Variants in TESK1 observed in about 807,000 individuals in gnomAD.
TESK1 encodes dual specificity testis-specific protein kinase 1.
TESK1 carries 18 observed loss-of-function variants against 59.9 expected under a neutral mutation model. The observed-to-expected ratio is 0.30, with a 90% CI of 0.21 to 0.45. The LOEUF is 0.45. Among genes scored for constraint, TESK1 ranks in the 20% least tolerant of loss-of-function variants. The pLI is 1.00. For missense variants in TESK1, 748 were observed against 840.9 expected, an observed-to-expected ratio of 0.89 and a Z score of 1.37; for synonymous variants, 341 against 357.4, an observed-to-expected ratio of 0.95 and a Z score of 0.52.
Position 35,606,980 on chromosome 9 carries a change from C to G in TESK1, c.534C>G (p.Ser178=). The G allele has an allele frequency of 6.3e-7, 1 of 1,592,242 alleles. No homozygotes were observed. Among genetic ancestry groups the G allele is most frequent in the East Asian group, 2.2e-5 (1 of 44,558 alleles). The part of the protein sequence containing the change: ...SKGVFHRDLT[S]KNCLVRREDR... ...GTGTATTTCACCGCGACCTCACATC[C>G]AAGGTAGGCTAGCAGGGTGGGTGGA... The change falls in exon 4 of 10, where the codon TCC becomes TCG. Residue 178 remains serine (S), a synonymous_variant. Coordinates refer to ENST00000336395, the MANE Select transcript of TESK1 (RefSeq NM_006285.3).
chr9:35,609,629 G>T lies in TESK1; in HGVS notation c.1768G>T (p.Ala590Ser). ...GTCCATGTGCCCCCGCCCCACACCAGCTGTTGCCCGCTACCGCAACCTGAA... is the reference window on the plus strand; with the variant it reads ...GTCCATGTGCCCCCGCCCCACACCATCTGTTGCCCGCTACCGCAACCTGAA... ...FLSMCPRPTP[A>S]VARYRNLNCE... The change falls in exon 10 of 10, where the codon GCT becomes TCT. Residue 590 changes from alanine (A) to serine (S), a missense_variant. This residue lies in a region of TESK1 where 447 missense variants were observed against 466.1 expected (regional missense o/e 0.96). Transcript: ENST00000336395. The surrounding 1 kb of genome is among the most constrained non-coding windows in gnomAD (Gnocchi z 6.7). 2 of 1,609,844 alleles carry T rather than the reference G, an allele frequency of 1.2e-6. No individual in the cohort carries two copies. Among genetic ancestry groups the T allele is most frequent in the Non-Finnish European group, 1.7e-6 (2 of 1,179,948 alleles).
chr9:35,605,675 C>A lies in TESK1; in HGVS notation c.56C>A (p.Pro19Gln). The change falls in exon 1 of 10, where the codon CCG becomes CAG. Residue 19 changes from proline (P) to glutamine (Q), a missense_variant. Physicochemically the swap from Pro to Gln is moderately conservative, Grantham distance 76. Around this residue, in one of 3 missense-constraint regions of TESK1, gnomAD observed 133 missense variants for 117.4 expected, o/e 1.13. Coordinates refer to ENST00000336395, the MANE Select transcript of TESK1 (RefSeq NM_006285.3). The part of the protein sequence containing the change: ...RGPGPGPGEV[P>Q]GEGPPGPGGT... ...CCTGGGCCCGGGCCTGGAGAGGTGC[C>A]GGGGGAGGGGCCCCCGGGGCCGGGG... 7.0e-7 allele frequency: 1 copy of A among 1,432,862 alleles called. No individual in the cohort carries two copies. The highest frequency in any genetic ancestry group is 2.7e-5 in the East Asian group (1 of 37,140). 88.8% of individuals were successfully genotyped at this position (1,432,862 alleles called of 1,614,324 possible). A position where few individuals can be genotyped will look rare whatever the true frequency, so the allele number is the denominator to read the frequency against.
Position 35,607,862 on chromosome 9 carries a change from A to G in TESK1, c.712-66A>G. ...CCCACCCTCAACCAAATTCTGCTAT[A>G]TTCTGTCAAAATTCTGAAATGAAAA... On this transcript the variant is annotated intron_variant, in intron 6 of 9. Transcript: ENST00000336395. This position sits in a 1 kb window ranked among gnomAD's most constrained non-coding sequence, Gnocchi z 4.5. 2 of 1,577,942 alleles carry G rather than the reference A, an allele frequency of 1.3e-6. No homozygotes were observed. The highest frequency in any genetic ancestry group is 1.7e-6 in the Non-Finnish European group (2 of 1,151,724).
In TESK1 at chr9:35,607,980, C is replaced by T. The variant is rs1202375086; in HGVS notation, c.764C>T (p.Pro255Leu). The change falls in exon 7 of 10, where the codon CCT becomes CTT. Residue 255 changes from proline to leucine, a missense_variant. By Grantham distance (98) the Pro-to-Leu change is moderately conservative (BLOSUM62 -3). Coordinates refer to ENST00000336395, the MANE Select transcript of TESK1 (RefSeq NM_006285.3). The surrounding 1 kb of genome is among the most constrained non-coding windows in gnomAD (Gnocchi z 4.5). ...IVLCELIARVPADPDYLPRTE... is the reference protein window; with the variant it reads ...IVLCELIARVLADPDYLPRTE... ...CTCTGTGAGCTCATCGCCCGAGTAC[C>T]TGCAGACCCTGACTACCTACCACGC... The T allele has an allele frequency of 1.2e-6, 2 of 1,614,212 alleles. No homozygotes were observed. The highest frequency in any genetic ancestry group is 1.7e-6 in the Non-Finnish European group (2 of 1,180,036).
At position 35,609,168 on chromosome 9, in the gene TESK1, G is replaced by A. The variant is rs372311148; in HGVS notation, c.1307G>A (p.Arg436His). ...CCTGGGACACCTGCCCGCCGCTGCC[G>A]CTCACTACCCTCATCCCCCGAGCTC... ...VQPGTPARRC[R>H]SLPSSPELPR... Residue 436 changes from arginine (R) to histidine (H), a missense_variant, in exon 10 of 10, where the codon CGC (arginine) becomes CAC (histidine). By Grantham distance (29) the Arg-to-His change is conservative. Transcript: ENST00000336395. This position sits in a 1 kb window ranked among gnomAD's most constrained non-coding sequence, Gnocchi z 6.7. 2.6e-5 allele frequency: 42 copies of A among 1,613,424 alleles called. No homozygotes were observed. In the East Asian group the frequency reaches 4.9e-4, roughly 19 times the overall value.
intron 9 of TESK1, 115 bp from the exon 10 acceptor site, chr9:35,608,747 G>C: frequency 7.0e-6 from 9 of 1,282,792 alleles, no homozygotes; most frequent in Non-Finnish European, 8.6e-6. Context: ...CAAAGCACCA[G>C]GTGGGACTCC....
In TESK1 at chr9:35,609,789, C is replaced by T. The variant is rs1822942596; in HGVS notation, c.*47C>T. On this transcript the variant is annotated 3_prime_UTR_variant, in exon 10 of 10. Coordinates refer to ENST00000336395, the MANE Select transcript of TESK1 (RefSeq NM_006285.3). This position sits in a 1 kb window ranked among gnomAD's most constrained non-coding sequence, Gnocchi z 6.7. ...GCCTCCAACTTTGGCCTTCAGGACA[C>T]CCTGTAAGAACAGAGCACACTTGCT... is the stretch of plus-strand genomic sequence containing the variant. 6.7e-7 allele frequency: 1 copy of T among 1,496,062 alleles called. No individual in the cohort carries two copies. The highest frequency in any genetic ancestry group is 1.3e-5 in the South Asian group (1 of 76,630). The allele number at this position is 1,496,062 out of a possible 1,614,324, so 92.7% of individuals were successfully genotyped here. A position where few individuals can be genotyped will look rare whatever the true frequency, so the allele number is the denominator to read the frequency against.
Position 35,608,451 on chromosome 9 carries a change from C to G in TESK1, c.942C>G (p.Ile314Met), listed in dbSNP as rs922375373. The G allele has an allele frequency of 1.2e-6, 2 of 1,614,040 alleles. No individual in the cohort carries two copies. Among genetic ancestry groups the G allele is most frequent in the African/African-American group, 2.7e-5 (2 of 74,904 alleles). ...FTEITQHLEW[I>M]LEQLPEPAPL... is the part of the protein sequence containing the mutation. ...AAATTACCCAGCACCTGGAATGGATCCTGGAGCAGCTGCCTGAGCCAGCCC... is the reference window on the plus strand; with the variant it reads ...AAATTACCCAGCACCTGGAATGGATGCTGGAGCAGCTGCCTGAGCCAGCCC... The change falls in exon 9 of 10, where the codon ATC (isoleucine) becomes ATG (methionine). Residue 314 changes from isoleucine (I) to methionine (M), a missense_variant. Coordinates refer to ENST00000336395, the MANE Select transcript of TESK1 (RefSeq NM_006285.3).
intron 3 of TESK1, 151 bp downstream of exon 3, chr9:35,606,436 C>T (rs907322829): frequency 2.2e-6 from 2 of 890,972 alleles, no homozygotes; most frequent in Non-Finnish European, 3.5e-6. Context: ...TTTAGGCAAA[C>T]CACATATAAA....
In TESK1 at chr9:35,609,363, C is replaced by T. The variant is rs147635732; in HGVS notation, c.1502C>T (p.Ser501Leu). ...ATDNFISTCS[S>L]ASQPWSPRSG... ...GACAACTTCATCAGCACCTGTTCCT[C>T]GGCCTCCCAACCCTGGTCCCCTAGA... The change falls in exon 10 of 10, where the codon TCG becomes TTG. Residue 501 changes from serine (S) to leucine (L), a missense_variant. By Grantham distance (145) the Ser-to-Leu change is moderately radical. Around this residue, in one of 3 missense-constraint regions of TESK1, gnomAD observed 447 missense variants for 466.1 expected, o/e 0.96. Coordinates refer to ENST00000336395, the MANE Select transcript of TESK1 (RefSeq NM_006285.3). The surrounding 1 kb of genome is among the most constrained non-coding windows in gnomAD (Gnocchi z 6.7). The T allele has an allele frequency of 9.8e-5, 158 of 1,612,668 alleles. 1 individual carries two copies. The highest frequency in any genetic ancestry group is 2.2e-4 in the South Asian group (20 of 90,936).
At position 35,607,009 on chromosome 9, in the gene TESK1, A is replaced by G. The variant is rs1452294461; in HGVS notation, c.537+26A>G. 1.3e-6 allele frequency: 2 copies of G among 1,556,730 alleles called. No individual in the cohort carries two copies. Among genetic ancestry groups the G allele is most frequent in the South Asian group, 1.2e-5 (1 of 84,110 alleles). ...GTAGGCTAGCAGGGTGGGTGGAGAC[A>G]TGAAAGAGGGTTTGAGGCTATTAGG... On this transcript the variant is annotated intron_variant, in intron 4 of 9. Transcript: ENST00000336395. This position sits in a 1 kb window ranked among gnomAD's most constrained non-coding sequence, Gnocchi z 4.5.
chr9:35,607,785 T>TA lies in TESK1; in HGVS notation c.711+113_711+114insA. ...ACCAGATCTTCAGGAGTCCCCAAGA[T>TA]CCCTTTGCCCCTCACAGGCACCCTT... On this transcript the variant is annotated intron_variant, in intron 6 of 9. Transcript: ENST00000336395. The surrounding 1 kb of genome is among the most constrained non-coding windows in gnomAD (Gnocchi z 4.5). 1.6e-6 allele frequency: 2 copies of TA among 1,273,220 alleles called. No homozygotes were observed. Among genetic ancestry groups the TA allele is most frequent in the Non-Finnish European group, 2.2e-6 (2 of 899,632 alleles). 78.9% of individuals were successfully genotyped at this position (1,273,220 alleles called of 1,614,324 possible).
chr9:35,607,846 A>C lies in TESK1; in HGVS notation c.712-82A>C. 1 of 1,520,922 alleles carries C rather than the reference A, an allele frequency of 6.6e-7. No individual in the cohort carries two copies. Among genetic ancestry groups the C allele is most frequent in the Non-Finnish European group, 9.0e-7 (1 of 1,106,046 alleles). 94.2% of individuals were successfully genotyped at this position (1,520,922 alleles called of 1,614,324 possible). A position where few individuals can be genotyped will look rare whatever the true frequency, so the allele number is the denominator to read the frequency against. Reference sequence around the variant, plus strand: ...AAAACTGTCAAGATCCCCCACCCTCAACCAAATTCTGCTATATTCTGTCAA... The same window carrying C: ...AAAACTGTCAAGATCCCCCACCCTCCACCAAATTCTGCTATATTCTGTCAA... On this transcript the variant is annotated intron_variant, in intron 6 of 9. Transcript: ENST00000336395. The surrounding 1 kb of genome is among the most constrained non-coding windows in gnomAD (Gnocchi z 4.5).
At position 35,608,845 on chromosome 9, in the gene TESK1, G is replaced by C. The variant is rs759639774; in HGVS notation, c.1001-17G>C. The C allele has an allele frequency of 6.4e-7, 1 of 1,556,470 alleles. No homozygotes were observed. The highest frequency in any genetic ancestry group is 8.7e-7 in the Non-Finnish European group (1 of 1,151,402). ...TCAAATGCTGAGGACAGTGATTCCA[G>C]ACTTCTCTATCTACAGGCTCTGTTG... is the stretch of plus-strand genomic sequence containing the variant. On this transcript the variant is annotated splice_polypyrimidine_tract_variant and intron_variant, in intron 9 of 9. Coordinates refer to ENST00000336395, the MANE Select transcript of TESK1 (RefSeq NM_006285.3).
rs1459762118 is a variant in TESK1, at chr9:35,608,415, C to T, written c.906C>T (p.Ala302=). The change falls in exon 9 of 10, where the codon GCC becomes GCT. Residue 302 remains alanine, a synonymous_variant. Transcript: ENST00000336395. ...HCCNLEPSTR[A]PFTEITQHLE... is the part of the protein sequence containing the mutation. ...ATCAGCTGGAACCCAGCACCCGTGCCCCCTTCACCGAAATTACCCAGCACC... is the reference window on the plus strand; with the variant it reads ...ATCAGCTGGAACCCAGCACCCGTGCTCCCTTCACCGAAATTACCCAGCACC... The T allele has an allele frequency of 1.9e-6, 3 of 1,614,008 alleles. No individual in the cohort carries two copies. Among genetic ancestry groups the T allele is most frequent in the Non-Finnish European group, 2.5e-6 (3 of 1,180,032 alleles).
Position 35,608,950 on chromosome 9 carries a change from A to T in TESK1, c.1089A>T (p.Pro363=). The change falls in exon 10 of 10, where the codon CCA becomes CCT. Residue 363 remains proline (P), a synonymous_variant. Coordinates refer to ENST00000336395, the MANE Select transcript of TESK1 (RefSeq NM_006285.3). ...SRSRSDLFLP[P]SPESPPNWGD... is the part of the protein sequence containing the mutation. Reference sequence around the variant, plus strand: ...GCCGGTCAGACCTCTTCCTGCCCCCATCACCAGAATCACCCCCCAACTGGG... The same window carrying T: ...GCCGGTCAGACCTCTTCCTGCCCCCTTCACCAGAATCACCCCCCAACTGGG... 1 of 1,613,994 alleles carries T rather than the reference A, an allele frequency of 6.2e-7. No homozygotes were observed. Among genetic ancestry groups the T allele is most frequent in the Non-Finnish European group, 8.5e-7 (1 of 1,179,962 alleles).
intron 1 of TESK1, 24 bp downstream of exon 1, chr9:35,605,862 G>T (rs1237374462): frequency 1.2e-6 from 2 of 1,608,242 alleles, no homozygotes; most frequent in Admixed American, 3.4e-5. Context: ...AGAGGGCAGA[G>T]GGGCGGGACC....
At position 35,605,440 on chromosome 9, in the gene TESK1, G is replaced by A. The variant is rs1389266805; in HGVS notation, c.-180G>A. On this transcript the variant is annotated 5_prime_UTR_variant, in exon 1 of 10. Coordinates refer to ENST00000336395, the MANE Select transcript of TESK1 (RefSeq NM_006285.3). ...GCGGAGCGGCGCGGCGTCCACCCGG[G>A]CCCAGCCAGCCGGCGCGGCGGGGGC... 1.4e-5 allele frequency: 3 copies of A among 212,284 alleles called. No individual in the cohort carries two copies. Among genetic ancestry groups the A allele is most frequent in the African/African-American group, 7.0e-5 (3 of 42,846 alleles). 13.2% of individuals were successfully genotyped at this position (212,284 alleles called of 1,614,324 possible).
At position 35,606,340 on chromosome 9, in the gene TESK1, A is replaced by G. The variant is rs1822848696; in HGVS notation, c.390+55A>G. 34 of 1,605,132 alleles carry G rather than the reference A, an allele frequency of 2.1e-5. No homozygotes were observed. The South Asian group carries it at 3.3e-4, about 16-fold the overall frequency. On this transcript the variant is annotated intron_variant, in intron 3 of 9. Transcript: ENST00000336395. ...CACCCCCCTTCACCCCCAAGGATAA[A>G]GGGAGTCAACAGGCCTGGTGGATCT...
Sources: gnomAD v4.1 joint callset for allele counts on GRCh38, gnomAD v4.1.1 for gene constraint, gnomAD v4.1.1 regional missense constraint, Gnocchi (gnomAD v3.1) non-coding constraint, MANE v1.5 for transcripts, NCBI Gene and HGNC (gene_info 2026-07-23, HGNC 2026-07-21) for gene names.